Variants in TG observed in about 807,000 individuals in gnomAD.
TG encodes the protein thyroid hormones.
Under a neutral mutation model 324.7 loss-of-function variants are expected in TG, and 270 were observed. That is an observed-to-expected ratio of 0.83 (90% CI 0.75 to 0.92). TG has a LOEUF of 0.92. Ranked by LOEUF, TG falls within the 40% of genes least tolerant of loss-of-function variation. The pLI is 0.00. For synonymous variants in TG, 1,401 were observed against 1,327.0 expected (o/e 1.06, Z -1.21); for missense variants, 3,591 against 3,456.4 (o/e 1.04, Z -0.98).
chr8:133,003,041 C>G, intron 35 of TG: 1 of 1,061,138 alleles, frequency 9.4e-7, no homozygotes, highest in South Asian at 3.3e-5. Flanking sequence ...GAGAACATAC[C>G]AGGTACCTCT....
intron 18 of TG, among the ~76,000 whole-genome samples, chr8:132,909,376 A>T (rs1389655671): frequency 6.6e-6 from 1 of 152,216 alleles, no homozygotes; most frequent in Non-Finnish European, 1.5e-5. Flanking sequence ...GGCTGAAGAC[A>T]TGTGTTTCAA....
rs1412292666 is a variant in TG, at chr8:132,888,264, C to G, written c.2457C>G (p.Leu819=). ...YREAASGNFS[L]FIQSLYEAGQ... ...AAGCAGCTTCCGGAAACTTCAGTCT[C>G]TTTATTCAAAGTCTGTATGAGGCTG... is the stretch of plus-strand genomic sequence containing the variant. Residue 819 remains leucine (L), a synonymous_variant, in exon 10 of 48, where the codon CTC becomes CTG. Transcript: ENST00000220616. The G allele has an allele frequency of 6.2e-7, 1 of 1,614,206 alleles. No individual in the cohort carries two copies. The highest frequency in any genetic ancestry group is 1.1e-5 in the South Asian group (1 of 91,090).
chr8:132,904,057 G>T (rs781105385), intron 16 of TG, among the ~76,000 whole-genome samples: 2 of 152,286 alleles, frequency 1.3e-5, no homozygotes, highest in African/African-American at 2.4e-5. Flanking sequence ...CCTCCAGTGG[G>T]CATTAGCCTG....
intron 16 of TG, among the ~76,000 whole-genome samples, chr8:132,902,395 G>A (rs1290412123): frequency 6.6e-6 from 1 of 152,144 alleles, no homozygotes; most frequent in Non-Finnish European, 1.5e-5. Flanking sequence ...GATGGGAGGA[G>A]CCTCAGAAGC....
rs538321372 is a variant in TG at position 132,870,246 on chromosome 8, G to A, written c.274+420G>A. Among the ~76,000 whole-genome samples, 23 of 151,844 alleles carry A rather than the reference G, an allele frequency of 1.5e-4. No homozygotes were observed. In the South Asian group the frequency reaches 4.4e-3, roughly 29 times the overall value. On this transcript the variant is annotated intron_variant, in intron 3 of 47. Coordinates refer to ENST00000220616, the MANE Select transcript of TG (RefSeq NM_003235.5). ...CAAAGAAACACAGTCCCTATTTAAA[G>A]CATGTCATAACTCTAAAACAATGGT...
At chr8:132,946,396 C>T (rs776733791) in intron 26 of TG, among the ~76,000 whole-genome samples, 5 of 152,138 alleles carry the variant, frequency 3.3e-5, no homozygotes, top group Non-Finnish European at 5.9e-5. Context: ...ACACTCACCT[C>T]GCAGTGCTGA....
At chr8:132,954,009 A>T (rs548433993) in intron 27 of TG, among the ~76,000 whole-genome samples, 2 of 149,312 alleles carry the variant, frequency 1.3e-5, no homozygotes, top group East Asian at 4.0e-4. Flanking sequence ...AAAAAAAAAA[A>T]GCCTTGGCAG....
intron 19 of TG, among the ~76,000 whole-genome samples, chr8:132,912,576 G>C (rs929726022): frequency 3.9e-5 from 6 of 152,068 alleles, no homozygotes; most frequent in African/African-American, 1.4e-4. Flanking sequence ...GCCTCTTCAA[G>C]TCTTTGCTTT....
At position 132,866,976 on chromosome 8, in the gene TG, C is replaced by T. The variant is rs1838984961; in HGVS notation, c.-25C>T. On this transcript the variant is annotated 5_prime_UTR_variant, in exon 1 of 48. Coordinates refer to ENST00000220616, the MANE Select transcript of TG (RefSeq NM_003235.5). ...CTAGGGCAAGCAGTGGTTTCTCCTC[C>T]TTCCTCCCAGGAAGGGCCAGGAAAA... 6.4e-7 allele frequency: 1 copy of T among 1,571,306 alleles called. No homozygotes were observed. The highest frequency in any genetic ancestry group is 1.2e-5 in the South Asian group (1 of 86,182).
chr8:132,896,299 C>T (rs1390233561), intron 11 of TG, among the ~76,000 whole-genome samples: 4 of 152,236 alleles, frequency 2.6e-5, no homozygotes, highest in East Asian at 3.8e-4. Flanking sequence ...GACTCCAGAA[C>T]GCTGTCCACT....
intron 41 of TG, among the ~76,000 whole-genome samples, chr8:133,058,541 T>C (rs961793944): frequency 4.6e-5 from 7 of 152,210 alleles, no homozygotes; most frequent in Admixed American, 6.5e-5. Flanking sequence ...CGACCCAAGA[T>C]GGGTTCGGTG....
intron 45 of TG, among the ~76,000 whole-genome samples, chr8:133,128,787 A>G (rs1239350937): frequency 2.6e-5 from 4 of 152,220 alleles, no homozygotes; most frequent in Non-Finnish European, 5.9e-5. Context: ...GCAGATGACA[A>G]GTAAAAGCTA....
At position 133,029,840 on chromosome 8, in the gene TG, C is replaced by A. The variant is rs758701097; in HGVS notation, c.7056C>A (p.Gly2352=). The A allele has an allele frequency of 8.7e-6, 14 of 1,614,014 alleles. No individual in the cohort carries two copies. The Admixed American group carries it at 2.0e-4, about 23-fold the overall frequency. The change falls in exon 41 of 48, where the codon GGC becomes GGA. Residue 2352 remains glycine (G), a synonymous_variant. Transcript: ENST00000220616. The part of the protein sequence containing the change: ...FLSSGSGEVS[G]NWGLLDQVAA... The stretch of plus-strand genomic sequence containing the variant: ...CTGAAGGGTCCGGAGAGGTGAGTGG[C>A]AACTGGGGGCTGCTGGACCAGGTGG...
chr8:133,094,492 A>G (rs1358948300), intron 41 of TG: 2 of 180,508 alleles, frequency 1.1e-5, no homozygotes, highest in African/African-American at 2.4e-5. Context: ...CGCCCACCTC[A>G]GCCTCCCAAA....
At chr8:133,118,866 G>C (rs1850920532) in intron 45 of TG, among the ~76,000 whole-genome samples, 1 of 152,188 alleles carries the variant, frequency 6.6e-6, no homozygotes, top group African/African-American at 2.4e-5. Context: ...AAGGATCTTG[G>C]CGTGGGGAGA....
At position 132,958,369 on chromosome 8, in the gene TG, A is replaced by G. The variant is rs72727442; in HGVS notation, c.5402-2639A>G. Among the ~76,000 whole-genome samples, 21 of 10,264 alleles carry G rather than the reference A, an allele frequency of 2.0e-3. No homozygotes were observed. The South Asian group carries it at 0.039, about 19-fold the overall frequency. 6.7% of individuals were successfully genotyped at this position (10,264 alleles called of 152,430 possible). On this transcript the variant is annotated intron_variant, in intron 27 of 47. Coordinates refer to ENST00000220616, the MANE Select transcript of TG (RefSeq NM_003235.5). Reference sequence around the variant, plus strand: ...TATCTATCTATCTGTCTATCTATCTATCTATCTATCTATCTATCTATCTTT... The same window carrying G: ...TATCTATCTATCTGTCTATCTATCTGTCTATCTATCTATCTATCTATCTTT...
intron 5 of TG, among the ~76,000 whole-genome samples, chr8:132,874,165 C>T (rs1235509623): frequency 6.6e-6 from 1 of 151,800 alleles, no homozygotes; most frequent in Non-Finnish European, 1.5e-5. Flanking sequence ...GAGTGAGACT[C>T]CATCTCAAAA....
At chr8:132,946,299 CCT>C (rs951213577) in intron 26 of TG, among the ~76,000 whole-genome samples, 1 of 152,012 alleles carries the variant, frequency 6.6e-6, no homozygotes, top group Non-Finnish European at 1.5e-5. Flanking sequence ...CCCACAAAAT[CCT>C]TTTTTTCCAT....
chr8:133,089,769 G>A (rs1847202882), intron 41 of TG, among the ~76,000 whole-genome samples: 1 of 152,138 alleles, frequency 6.6e-6, no homozygotes, highest in African/African-American at 2.4e-5. Flanking sequence ...CCCAGCTCCT[G>A]TCTATAACTC....
Sources: gnomAD v4.1 joint callset for allele counts (sites outside exome capture counted in the v4.1 genomes callset) on GRCh38, gnomAD v4.1.1 for gene constraint, MANE v1.5 for transcripts, NCBI Gene and HGNC (gene_info 2026-07-23, HGNC 2026-07-21) for gene names.